Variants in MYO18B observed in about 807,000 individuals in gnomAD.
MYO18B encodes myosin XVIIIB, also known as unconventional myosin-XVIIIb.
MYO18B carries 204 observed loss-of-function variants against 273.0 expected under a neutral mutation model. The observed-to-expected ratio is 0.75, with a 90% CI of 0.67 to 0.84. The LOEUF is 0.84. Ranked by LOEUF, MYO18B falls within the 40% of genes least tolerant of loss-of-function variation. MYO18B has a pLI of 0.00. For missense variants in MYO18B, 3,212 were observed against 3,287.6 expected, an observed-to-expected ratio of 0.98 and a Z score of 0.56; for synonymous variants, 1,330 against 1,305.7, an observed-to-expected ratio of 1.02 and a Z score of -0.40.
Position 25,891,291 on chromosome 22 carries a change from C to T in MYO18B, c.4435-13C>T, listed in dbSNP as rs1285578525. The T allele has an allele frequency of 3.3e-6, 5 of 1,534,662 alleles. No homozygotes were observed. The highest frequency in any genetic ancestry group is 4.4e-6 in the Non-Finnish European group (5 of 1,128,798). On this transcript the variant is annotated splice_polypyrimidine_tract_variant and intron_variant, in intron 26 of 43. Coordinates refer to ENST00000335473, the MANE Select transcript of MYO18B (RefSeq NM_032608.7). ...GTCCAGCTCTAGTTTAGACCTTGAGCCCTTTCTTCTAGAGCAAGCATGAAC... is the reference window on the plus strand; with the variant it reads ...GTCCAGCTCTAGTTTAGACCTTGAGTCCTTTCTTCTAGAGCAAGCATGAAC...
At chr22:25,766,786 A>G (rs1006706455) in intron 3 of MYO18B, among the ~76,000 whole-genome samples, 2 of 152,196 alleles carry the variant, frequency 1.3e-5, no homozygotes, top group Non-Finnish European at 2.9e-5. Flanking sequence ...GAGGAATTTG[A>G]AAGACCAATG....
intron 39 of MYO18B, among the ~76,000 whole-genome samples, chr22:25,960,178 T>C (rs1195929401): frequency 6.6e-6 from 1 of 152,132 alleles, no homozygotes; most frequent in African/African-American, 2.4e-5. Flanking sequence ...TTTTAGTAAA[T>C]GTACTATTCC....
At chr22:25,750,744 G>A (rs2085908147) in intron 1 of MYO18B, among the ~76,000 whole-genome samples, 1 of 152,240 alleles carries the variant, frequency 6.6e-6, no homozygotes, top group Non-Finnish European at 1.5e-5. Flanking sequence ...GACAGCGGGT[G>A]TTTGGGTGGA....
intron 1 of MYO18B, among the ~76,000 whole-genome samples, chr22:25,756,043 G>A (rs962657042): frequency 5.3e-5 from 8 of 152,016 alleles, no homozygotes; most frequent in Non-Finnish European, 1.0e-4. Context: ...GACTACAGGG[G>A]CCTGCCACCA....
In MYO18B at chr22:26,002,104, C is replaced by T. The variant is rs149380296; in HGVS notation, c.6288-1161C>T. On this transcript the variant is annotated intron_variant, in intron 40 of 43. Coordinates refer to ENST00000335473, the MANE Select transcript of MYO18B (RefSeq NM_032608.7). ...ACCATTATTCTGCCTCCTACAAGGCCATTCACAAAAGCTGCTTTTGTTCCA... is the reference window on the plus strand; with the variant it reads ...ACCATTATTCTGCCTCCTACAAGGCTATTCACAAAAGCTGCTTTTGTTCCA... 9.4e-3 allele frequency among the ~76,000 whole-genome samples: 1,436 copies of T among 152,300 alleles called. 23 individuals carry two copies. Among genetic ancestry groups the T allele is most frequent in the African/African-American group, 0.033 (1,358 of 41,564 alleles).
chr22:25,769,436 G>A lies in MYO18B; in HGVS notation c.1512+8G>A, dbSNP rs770238068. On this transcript the variant is annotated splice_region_variant and intron_variant, in intron 4 of 43. Coordinates refer to ENST00000335473, the MANE Select transcript of MYO18B (RefSeq NM_032608.7). ...AGCAGAGACTCAGACCAGGTGAGGG[G>A]GCTGCGGCCCTGGGAGCGGGAAGCG... is the stretch of plus-strand genomic sequence containing the variant. 5 of 1,513,328 alleles carry A rather than the reference G, an allele frequency of 3.3e-6. No homozygotes were observed. Among genetic ancestry groups the A allele is most frequent in the Non-Finnish European group, 4.4e-6 (5 of 1,130,848 alleles). The allele number at this position is 1,513,328 out of a possible 1,614,324, so 93.7% of individuals were successfully genotyped here. A position where few individuals can be genotyped will look rare whatever the true frequency, so the allele number is the denominator to read the frequency against.
In MYO18B at chr22:25,990,743, C is replaced by T. The variant is rs947272883; in HGVS notation, c.6157-1620C>T. On this transcript the variant is annotated intron_variant, in intron 39 of 43. Coordinates refer to ENST00000335473, the MANE Select transcript of MYO18B (RefSeq NM_032608.7). The stretch of plus-strand genomic sequence containing the variant: ...AAAGAAAAAGAAAAAAAAAAAGACT[C>T]CAGGCTAAGAGAGGGGCTGTGAGCC... Among the ~76,000 whole-genome samples the T allele has an allele frequency of 2.9e-4, 40 of 138,360 alleles. 2 individuals are homozygous for T. Among genetic ancestry groups the T allele is most frequent in the African/African-American group, 1.1e-3 (40 of 35,454 alleles). 90.8% of individuals were successfully genotyped at this position (138,360 alleles called of 152,430 possible).
intron 3 of MYO18B, among the ~76,000 whole-genome samples, chr22:25,765,477 G>A (rs1166837426): frequency 1.3e-5 from 2 of 152,216 alleles, no homozygotes; most frequent in African/African-American, 4.8e-5. Context: ...CAGTCAGTGA[G>A]GAACAGGGAG....
the MYO18B span, among the ~76,000 whole-genome samples, chr22:26,058,477 G>A: frequency 3.2e-4 from 48 of 152,218 alleles, 1 homozygote; most frequent in Admixed American, 2.6e-3. Flanking sequence ...GAGAGAATGC[G>A]GTATCCACTG....
In MYO18B at chr22:25,903,749, G is replaced by A; in HGVS notation, c.5066G>A (p.Arg1689Lys). Residue 1689 changes from arginine to lysine, a missense_variant, in exon 31 of 44, where the codon AGG becomes AAG. Transcript: ENST00000335473. ...AATTGCGTTGCTGGCTTGAAGGAGAGGCTCTGGAAGTTGGAATCCAGCGCC... is the reference window on the plus strand; with the variant it reads ...AATTGCGTTGCTGGCTTGAAGGAGAAGCTCTGGAAGTTGGAATCCAGCGCC... ...GENCVAGLKE[R>K]LWKLESSALE... 1 of 1,604,922 alleles carries A rather than the reference G, an allele frequency of 6.2e-7. No individual in the cohort carries two copies. The highest frequency in any genetic ancestry group is 8.5e-7 in the Non-Finnish European group (1 of 1,175,754).
rs111851359 is a variant in MYO18B, at chr22:25,845,841, C to T, written c.3369-259C>T. Among the ~76,000 whole-genome samples the T allele has an allele frequency of 8.8e-3, 1,335 of 152,350 alleles. 27 individuals are homozygous for T. Among genetic ancestry groups the T allele is most frequent in the African/African-American group, 0.029 (1,207 of 41,582 alleles). Reference sequence around the variant, plus strand: ...CAAGAATATCCATAGGACAGATGCTCTAAGCCTAGGCAGGGAGGGAGCATT... The same window carrying T: ...CAAGAATATCCATAGGACAGATGCTTTAAGCCTAGGCAGGGAGGGAGCATT... On this transcript the variant is annotated intron_variant, in intron 18 of 43. Transcript: ENST00000335473.
chr22:25,816,341 ATTC>A (rs1018602880), intron 12 of MYO18B, among the ~76,000 whole-genome samples: 24 of 152,048 alleles, frequency 1.6e-4, no homozygotes, highest in African/African-American at 5.8e-4. Context: ...AACCTCATTC[ATTC>A]TTCTTTTATT....
At chr22:26,033,086 G>A (rs1377053292), downstream of MYO18B, among the ~76,000 whole-genome samples, 2 of 152,222 alleles carry the variant, frequency 1.3e-5, no homozygotes, top group Non-Finnish European at 2.9e-5. Context: ...AATTCGGGAA[G>A]TCAGGAAGAG....
At chr22:26,061,601 A>G in the MYO18B span, among the ~76,000 whole-genome samples, 1 of 151,714 alleles carries the variant, frequency 6.6e-6, no homozygotes, top group Non-Finnish European at 1.5e-5. Context: ...TGGCACTATC[A>G]TAGCTCTCAG....
At chr22:25,903,600 C>T in intron 30 of MYO18B, 31 bp from the exon 31 acceptor site, 6 of 1,572,764 alleles carry the variant, frequency 3.8e-6, no homozygotes, top group Non-Finnish European at 5.2e-6. Context: ...ACTCATGTGA[C>T]TCCAGATCTC....
chr22:25,997,950 C>CACACAA (rs1262490454), intron 40 of MYO18B, among the ~76,000 whole-genome samples: 9 of 138,806 alleles, frequency 6.5e-5, no homozygotes, highest in African/African-American at 2.3e-4. Context: ...CACACACACA[C>CACACAA]ACACACAAAC....
At chr22:25,995,622 C>T (rs1476346509) in intron 40 of MYO18B, among the ~76,000 whole-genome samples, 1 of 152,076 alleles carries the variant, frequency 6.6e-6, no homozygotes, top group Non-Finnish European at 1.5e-5. Context: ...AATGAGATCC[C>T]GGTGGTGAGG....
At chr22:26,057,038 T>C in the MYO18B span, among the ~76,000 whole-genome samples, 1 of 152,118 alleles carries the variant, frequency 6.6e-6, no homozygotes, top group South Asian at 2.1e-4. Flanking sequence ...TAGAGACACA[T>C]TTCTGGCATT....
At chr22:26,006,818 A>G (rs1347528771) in intron 42 of MYO18B, among the ~76,000 whole-genome samples, 1 of 152,320 alleles carries the variant, frequency 6.6e-6, no homozygotes, top group South Asian at 2.1e-4. Flanking sequence ...AAGAGCCACA[A>G]AAAATTAGCC....
Sources: allele counts gnomAD v4.1 joint callset (sites outside exome capture counted in the v4.1 genomes callset), GRCh38; gene constraint gnomAD v4.1.1; transcripts MANE v1.5; gene names NCBI Gene and HGNC (gene_info 2026-07-23, HGNC 2026-07-21).